Variants in ABCG2 observed in about 807,000 individuals in gnomAD.
ABCG2 encodes the protein ATP binding cassette subfamily G member 2 (JR blood group), also known as broad substrate specificity ATP-binding cassette transporter ABCG2.
Under a neutral mutation model 73.5 loss-of-function variants are expected in ABCG2, and 80 were observed. The observed-to-expected ratio is 1.09, with a 90% CI of 0.91 to 1.31. The LOEUF is 1.31. ABCG2 is among the 50% of genes most tolerant of loss of function. The pLI is 0.00. For missense variants in ABCG2, 796 were observed against 786.2 expected (o/e 1.01, Z -0.15); for synonymous variants, 269 against 282.4 (o/e 0.95, Z 0.48).
chr4:88,093,622 T>C (rs533211561), intron 15 of ABCG2, among the ~76,000 whole-genome samples: 127 of 151,578 alleles, frequency 8.4e-4, no homozygotes, highest in Non-Finnish European at 6.2e-4. Flanking sequence ...ATTTTTCCCA[T>C]CCACTTCATC....
intron 11 of ABCG2, among the ~76,000 whole-genome samples, chr4:88,100,166 T>G (rs1401653032): frequency 6.9e-6 from 1 of 145,784 alleles, no homozygotes; most frequent in Non-Finnish European, 1.5e-5. Flanking sequence ...GGAAACATAG[T>G]GAGACCTTCT....
chr4:88,226,368 A>C (rs1220267954), intron 1 of ABCG2, among the ~76,000 whole-genome samples: 1 of 152,198 alleles, frequency 6.6e-6, no homozygotes, highest in Non-Finnish European at 1.5e-5. Flanking sequence ...ACATTCACAC[A>C]CACAAGAACA....
chr4:88,111,959 C>T (rs569446890), intron 9 of ABCG2, among the ~76,000 whole-genome samples: 4 of 151,990 alleles, frequency 2.6e-5, no homozygotes, highest in East Asian at 3.9e-4. Context: ...TTGTGGTGCA[C>T]GGCTGTAGTC....
chr4:88,098,990 A>T (rs1722191042), intron 12 of ABCG2, among the ~76,000 whole-genome samples: 1 of 152,040 alleles, frequency 6.6e-6, no homozygotes, highest in Non-Finnish European at 1.5e-5. Flanking sequence ...CTAGCTACCC[A>T]GAGGCTGAGG....
intron 1 of ABCG2, chr4:88,226,597 T>C (rs1233125603): frequency 6.6e-6 from 1 of 152,270 alleles, no homozygotes; most frequent in African/African-American, 2.4e-5. Context: ...ATTATTCTCA[T>C]TTTATAGATT....
upstream of ABCG2, among the ~76,000 whole-genome samples, chr4:88,231,604 G>A (rs1327908871): frequency 1.3e-5 from 2 of 152,086 alleles, no homozygotes; most frequent in Admixed American, 6.6e-5. Context: ...TAAACTTCCT[G>A]TGCTTTTTTA....
chr4:88,217,737 G>A (rs568842461), intron 1 of ABCG2, among the ~76,000 whole-genome samples: 1 of 152,048 alleles, frequency 6.6e-6, no homozygotes, highest in Non-Finnish European at 1.5e-5. Flanking sequence ...ACTCTGGGAA[G>A]GTGAGGCAGC....
chr4:88,159,964 C>A (rs1025116520), upstream of ABCG2, among the ~76,000 whole-genome samples: 1 of 152,108 alleles, frequency 6.6e-6, no homozygotes, highest in African/African-American at 2.4e-5. Context: ...AAAATTAAGG[C>A]CAGCACGGTG....
intron 10 of ABCG2, among the ~76,000 whole-genome samples, chr4:88,103,971 G>A (rs967552623): frequency 1.1e-4 from 17 of 152,260 alleles, no homozygotes; most frequent in South Asian, 6.2e-4. Flanking sequence ...GGGTGATTCC[G>A]TATCTTGGCT....
Position 88,131,187 on chromosome 4 carries a change from C to T in ABCG2, c.405G>A (p.Thr135=), listed in dbSNP as rs143923418. The change falls in exon 5 of 16, where the codon ACG becomes ACA. Residue 135 remains threonine (T), a synonymous_variant. Coordinates refer to ENST00000237612, the MANE Select transcript of ABCG2 (RefSeq NM_004827.3). The stretch of plus-strand genomic sequence containing the variant: ...CTGAGAACTGTAAGTTTTCTCTCAC[C>T]GTCAGAGTGCCCATCACAACATCAT... ...VQDDVVMGTL[T]VRENLQFSAA... 3.5e-5 allele frequency: 57 copies of T among 1,613,932 alleles called. No individual in the cohort carries two copies. Among genetic ancestry groups the T allele is most frequent in the African/African-American group, 2.3e-4 (17 of 74,986 alleles).
At chr4:88,213,386 G>C (rs1729678169) in intron 1 of ABCG2, among the ~76,000 whole-genome samples, 1 of 151,972 alleles carries the variant, frequency 6.6e-6, no homozygotes, top group Non-Finnish European at 1.5e-5. Flanking sequence ...CTACTTGACT[G>C]AGAAAACTGA....
chr4:88,230,009 A>ATTATTATTATTG (rs1730390262), intron 1 of ABCG2, among the ~76,000 whole-genome samples: 1 of 149,488 alleles, frequency 6.7e-6, no homozygotes, highest in Non-Finnish European at 1.5e-5. Flanking sequence ...TATTATTATT[A>ATTATTATTATTG]GAGACAGAGT....
At chr4:88,204,268 A>C (rs900820927) in intron 1 of ABCG2, among the ~76,000 whole-genome samples, 4 of 151,942 alleles carry the variant, frequency 2.6e-5, no homozygotes, top group African/African-American at 9.7e-5. Flanking sequence ...AAAAATACAA[A>C]AAATTAGCCG....
Position 88,228,978 on chromosome 4 carries a change from AG to A in ABCG2, c.-20+2015del, listed in dbSNP as rs371402172. Among the ~76,000 whole-genome samples, 49 of 152,318 alleles carry A rather than the reference AG, an allele frequency of 3.2e-4. 1 individual carries two copies. In the East Asian group the frequency reaches 8.7e-3, roughly 27 times the overall value. ...AATGGACCAATCAGCACTCTGTAAA[AG>A]GGACCAATCAGCAGGACATGGGCAG... On this transcript the variant is annotated intron_variant, in intron 1 of 15. Coordinates refer to the ABCG2 transcript ENST00000515655.
At position 88,131,883 on chromosome 4, in the gene ABCG2, T is replaced by A; in HGVS notation, c.298A>T (p.Ser100Cys). ...LDVLAARKDP[S>C]GLSGDVLING... ...ATCAGAACATCTCCAGATAATCCAC[T>A]TGGATCTTTCCTTGCAGCTAAGACA... Residue 100 changes from serine to cysteine, a missense_variant, in exon 4 of 16, where the codon AGT (serine) becomes TGT (cysteine). Physicochemically the swap from Ser to Cys is moderately radical, Grantham distance 112. Transcript: ENST00000237612. The A allele has an allele frequency of 1.2e-6, 2 of 1,614,008 alleles. No individual in the cohort carries two copies. Among genetic ancestry groups the A allele is most frequent in the Non-Finnish European group, 1.7e-6 (2 of 1,179,944 alleles).
At chr4:88,162,456 A>T (rs949177097), upstream of ABCG2, among the ~76,000 whole-genome samples, 1 of 152,152 alleles carries the variant, frequency 6.6e-6, no homozygotes, top group Non-Finnish European at 1.5e-5. Flanking sequence ...TTTTAAAAAT[A>T]TTTTAGATTG....
chr4:88,148,531 G>A (rs1375686827), intron 1 of ABCG2, among the ~76,000 whole-genome samples: 1 of 152,090 alleles, frequency 6.6e-6, no homozygotes, highest in Non-Finnish European at 1.5e-5. Context: ...CTGACTGCAA[G>A]GTCCCAGCTC....
chr4:88,121,625 G>A lies in ABCG2; in HGVS notation c.689+10C>T. 1.9e-6 allele frequency: 3 copies of A among 1,612,276 alleles called. 1 individual carries two copies. The highest frequency in any genetic ancestry group is 8.5e-7 in the Non-Finnish European group (1 of 1,179,202). ...TATTAACTAAAGAATAATGTTTCCA[G>A]AGCATTTACCTTTTCAGGAGCAAAA... On this transcript the variant is annotated intron_variant, in intron 6 of 15. Coordinates refer to ENST00000237612, the MANE Select transcript of ABCG2 (RefSeq NM_004827.3).
chr4:88,104,975 G>A lies in ABCG2; in HGVS notation c.1277+2209C>T, dbSNP rs1160870297. 2.6e-5 allele frequency among the ~76,000 whole-genome samples: 4 copies of A among 152,086 alleles called. No individual in the cohort carries two copies. The East Asian group carries it at 7.7e-4, about 29-fold the overall frequency. ...ATGTCCTCTCCAAATGCTTCCTGCT[G>A]CACAATATAAAAGGCCCACTGCCTT... On this transcript the variant is annotated intron_variant, in intron 10 of 15. Transcript: ENST00000237612.
Sources: gnomAD v4.1 joint callset for allele counts (sites outside exome capture counted in the v4.1 genomes callset) on GRCh38, gnomAD v4.1.1 for gene constraint, MANE v1.5 for transcripts, NCBI Gene and HGNC (gene_info 2026-07-23, HGNC 2026-07-21) for gene names.